The following TENT4A variants were observed in gnomAD, a reference collection of about 807,000 sequenced individuals.
TENT4A encodes terminal nucleotidyltransferase 4A.
A neutral mutation model predicts 72.8 loss-of-function variants in TENT4A; 7 were observed. The ratio of observed to expected loss-of-function variants is 0.10; its 90% CI spans 0.05 to 0.18. The LOEUF is 0.18. Ranked by LOEUF, TENT4A falls within the 10% of genes least tolerant of loss-of-function variation. TENT4A has a pLI of 1.00. For missense variants in TENT4A, 831 were observed against 1,017.7 expected, an observed-to-expected ratio of 0.82 and a Z score of 2.50; for synonymous variants, 456 against 434.3, an observed-to-expected ratio of 1.05 and a Z score of -0.62.
At chr5:6,738,360 C>A (rs1190723371) in intron 2 of TENT4A, among the ~76,000 whole-genome samples, 1 of 152,178 alleles carries the variant, frequency 6.6e-6, no homozygotes, top group Non-Finnish European at 1.5e-5. Flanking sequence ...AGCCCTGCCC[C>A]AGTGCCTTAG....
chr5:6,720,118 G>T (rs1379608993), intron 1 of TENT4A, among the ~76,000 whole-genome samples: 1 of 152,198 alleles, frequency 6.6e-6, no homozygotes, highest in Non-Finnish European at 1.5e-5. Flanking sequence ...GCAAAGCAAG[G>T]TACTTTGAAT....
At chr5:6,736,036 C>T (rs576631007) in intron 1 of TENT4A, among the ~76,000 whole-genome samples, 1 of 152,356 alleles carries the variant, frequency 6.6e-6, no homozygotes, top group South Asian at 2.1e-4. Flanking sequence ...GCTGGGATTA[C>T]AGGCGTGAGC....
At chr5:6,744,744 C>T (rs188775091) in intron 6 of TENT4A, among the ~76,000 whole-genome samples, 2 of 152,230 alleles carry the variant, frequency 1.3e-5, no homozygotes, top group Admixed American at 6.5e-5. Context: ...ACTGTCCTGT[C>T]TTCACTTTCC....
chr5:6,737,106 G>T (rs182670816), intron 1 of TENT4A, among the ~76,000 whole-genome samples: 1 of 152,376 alleles, frequency 6.6e-6, no homozygotes, highest in East Asian at 1.9e-4. Context: ...CACTCAGGGA[G>T]GTGCCCATGG....
chr5:6,750,630 G>A, intron 10 of TENT4A, 127 bp downstream of exon 10: 2 of 862,630 alleles, frequency 2.3e-6, no homozygotes, highest in Non-Finnish European at 3.4e-6. Context: ...TGTGTGTGGA[G>A]GTGGGTGGGG....
intron 8 of TENT4A, among the ~76,000 whole-genome samples, 190 bp from the exon 9 acceptor site, chr5:6,749,367 C>T (rs970785990): frequency 1.3e-5 from 2 of 152,206 alleles, no homozygotes; most frequent in Admixed American, 6.5e-5. Flanking sequence ...AGATGTACTG[C>T]GATCCCAGGG....
intron 5 of TENT4A, 144 bp downstream of exon 5, chr5:6,742,741 A>G (rs924939076): frequency 1.4e-5 from 8 of 582,932 alleles, no homozygotes; most frequent in Non-Finnish European, 2.5e-5. Context: ...CTCCTACAAT[A>G]TTATTTCTAG....
At chr5:6,745,762 A>G (rs427394) in intron 6 of TENT4A, among the ~76,000 whole-genome samples, 58,961 of 151,982 alleles carry the variant, frequency 0.39, 11,507 homozygotes, top group South Asian at 0.46. Flanking sequence ...GCTAAAATCA[A>G]TCCTTTCACT....
At chr5:6,748,329 C>A in intron 7 of TENT4A, 135 bp from the exon 8 acceptor site, 1 of 1,194,128 alleles carries the variant, frequency 8.4e-7, no homozygotes, top group Non-Finnish European at 1.2e-6. Context: ...GTTCGCCTGT[C>A]TGGGCTTTGC....
At position 6,714,762 on chromosome 5, in the gene TENT4A, G is replaced by T. The variant is rs1253308210; in HGVS notation, c.716+63G>T. 9.5e-5 allele frequency: 90 copies of T among 948,642 alleles called. 1 individual carries two copies. The highest frequency in any genetic ancestry group is 1.2e-4 in the Non-Finnish European group (88 of 746,482). The allele number at this position is 948,642 out of a possible 1,614,324, so 58.8% of individuals were successfully genotyped here. A position where few individuals can be genotyped will look rare whatever the true frequency, so the allele number is the denominator to read the frequency against. On this transcript the variant is annotated intron_variant, in intron 1 of 12. Transcript: ENST00000230859. ...CCCATGGTCCTGGCCGGCGCCCGCGGTGCAGACACCCGTCCCAGGCGCCCG... is the reference window on the plus strand; with the variant it reads ...CCCATGGTCCTGGCCGGCGCCCGCGTTGCAGACACCCGTCCCAGGCGCCCG...
intron 7 of TENT4A, among the ~76,000 whole-genome samples, chr5:6,747,961 TC>T (rs1394470755): frequency 6.6e-6 from 1 of 152,254 alleles, no homozygotes; most frequent in Non-Finnish European, 1.5e-5. Context: ...AGGATTTACT[TC>T]CTGTAGGTTC....
At chr5:6,727,883 C>T (rs1034380429) in intron 1 of TENT4A, among the ~76,000 whole-genome samples, 6 of 152,324 alleles carry the variant, frequency 3.9e-5, no homozygotes, top group Non-Finnish European at 5.9e-5. Flanking sequence ...CAGAGGCTCA[C>T]GGTAAATAGC....
At chr5:6,749,764 G>A in intron 9 of TENT4A, 107 bp downstream of exon 9, 1 of 736,672 alleles carries the variant, frequency 1.4e-6, no homozygotes. Context: ...AAAATAGCTA[G>A]TTTTTCTGAT....
intron 6 of TENT4A, among the ~76,000 whole-genome samples, chr5:6,745,405 C>T (rs1742032731): frequency 6.6e-6 from 1 of 152,192 alleles, no homozygotes; most frequent in Admixed American, 6.5e-5. Flanking sequence ...TTGGCACTGT[C>T]CGATAGAATT....
chr5:6,732,943 AGC>A (rs1302370678), intron 1 of TENT4A, among the ~76,000 whole-genome samples: 1 of 152,236 alleles, frequency 6.6e-6, no homozygotes, highest in Non-Finnish European at 1.5e-5. Context: ...TCTACACCAC[AGC>A]CAACTCAAAA....
At chr5:6,737,824 G>GTCTT (rs1303611039) in intron 2 of TENT4A, among the ~76,000 whole-genome samples, 191 bp downstream of exon 2, 1 of 151,926 alleles carries the variant, frequency 6.6e-6, no homozygotes, top group Non-Finnish European at 1.5e-5. Context: ...TGCACCTGCT[G>GTCTT]TCTTAGACAC....
intron 5 of TENT4A, among the ~76,000 whole-genome samples, chr5:6,743,415 A>C (rs1237151116): frequency 6.6e-6 from 1 of 152,100 alleles, no homozygotes; most frequent in African/African-American, 2.4e-5. Context: ...TAAACACTCC[A>C]GTGAACGCGC....
At chr5:6,718,987 TAATGCTC>T (rs367643588) in intron 1 of TENT4A, among the ~76,000 whole-genome samples, 4 of 151,758 alleles carry the variant, frequency 2.6e-5, no homozygotes, top group African/African-American at 9.7e-5. Flanking sequence ...AAAAAAGGCT[TAATGCTC>T]GTGCTGTGGA....
chr5:6,742,372 A>AC (rs1741850262), intron 4 of TENT4A, 118 bp from the exon 5 acceptor site: 1 of 662,126 alleles, frequency 1.5e-6, no homozygotes, highest in South Asian at 1.7e-5. Context: ...GTGTTCTCTG[A>AC]CCCCCTTTCA....
Sources: allele counts gnomAD v4.1 joint callset (sites outside exome capture counted in the v4.1 genomes callset), GRCh38; gene constraint gnomAD v4.1.1; transcripts MANE v1.5; gene names NCBI Gene and HGNC (gene_info 2026-07-23, HGNC 2026-07-21).